PDE3B: variants seen among roughly 807,000 people sequenced by gnomAD.
PDE3B encodes phosphodiesterase 3B.
Under a neutral mutation model 116.8 loss-of-function variants are expected in PDE3B, and 66 were observed. The observed-to-expected ratio is 0.56, with a 90% CI of 0.46 to 0.69. The LOEUF (loss-of-function observed/expected upper bound fraction) is 0.69. Ranked by LOEUF, PDE3B falls within the 30% of genes least tolerant of loss-of-function variation. The probability of loss-of-function intolerance (pLI) is 0.00; values close to 1 mark genes in which losing one functional copy is unlikely to be tolerated. For missense variants in PDE3B, 1,384 were observed against 1,368.1 expected (o/e 1.01, Z -0.18); for synonymous variants, 595 against 533.6 (o/e 1.12, Z -1.59).
At chr11:14,717,248 C>T (rs1175406288) in intron 1 of PDE3B, among the ~76,000 whole-genome samples, 864 of 76,336 alleles carry the variant, frequency 0.011, no homozygotes, top group Non-Finnish European at 0.012. Context: ...TGAGCAAAGC[C>T]TCCAAGAAAT....
Position 14,643,815 on chromosome 11 carries a change from G to A in PDE3B, c.-261G>A, listed in dbSNP as rs989656474. On this transcript the variant is annotated 5_prime_UTR_variant, in exon 1 of 16. The change creates a new upstream start codon in the 5' untranslated region. Transcript: ENST00000282096. ...GACACTGAGTCTCCAGTCCCGAGAG[G>A]TGCCCGAGGGAAAAGGAGGCGGCAG... The A allele has an allele frequency of 2.7e-5, 12 of 437,090 alleles. No homozygotes were observed. Among genetic ancestry groups the A allele is most frequent in the African/African-American group, 4.1e-5 (2 of 48,482 alleles). The allele number at this position is 437,090 out of a possible 1,614,324, so 27.1% of individuals were successfully genotyped here.
chr11:14,766,128 TA>T (rs1234578251), intron 1 of PDE3B, among the ~76,000 whole-genome samples: 1 of 151,720 alleles, frequency 6.6e-6, no homozygotes, highest in Non-Finnish European at 1.5e-5. Context: ...TTTTGAAAAC[TA>T]AAAAATTAAA....
rs1206100149 is a variant in PDE3B at position 14,672,017 on chromosome 11, G to GAA, written c.978+26975_978+26976dup. On this transcript the variant is annotated intron_variant, in intron 1 of 15. Transcript: ENST00000282096. ...GGGTGACAGAGTGAGACCTTGTCTT[G>GAA]AAAAAAAAAAAATATATATATATAT... Among the ~76,000 whole-genome samples the GAA allele has an allele frequency of 3.6e-4, 47 of 129,204 alleles. 1 individual carries two copies. Among genetic ancestry groups the GAA allele is most frequent in the African/African-American group, 1.3e-3 (43 of 33,830 alleles). The allele number at this position is 129,204 out of a possible 152,430, so 84.8% of individuals were successfully genotyped here.
intron 1 of PDE3B, among the ~76,000 whole-genome samples, chr11:14,690,385 TAA>T (rs1449107055): frequency 6.6e-6 from 1 of 152,150 alleles, no homozygotes; most frequent in Non-Finnish European, 1.5e-5. Flanking sequence ...TTTTGAAAAT[TAA>T]AAAGATATTT....
chr11:14,666,626 C>G (rs1181148434), intron 1 of PDE3B, among the ~76,000 whole-genome samples: 4 of 151,526 alleles, frequency 2.6e-5, no homozygotes, highest in Admixed American at 6.6e-5. Context: ...GGGTGAAGGA[C>G]ATGAACAGAC....
At chr11:14,843,582 C>T (rs780550937) in intron 11 of PDE3B, among the ~76,000 whole-genome samples, 4 of 152,086 alleles carry the variant, frequency 2.6e-5, no homozygotes, top group Non-Finnish European at 4.4e-5. Flanking sequence ...AAGCATCAAA[C>T]TTGTGTGAGA....
chr11:14,658,402 G>T (rs1032272146), intron 1 of PDE3B, among the ~76,000 whole-genome samples: 14 of 152,014 alleles, frequency 9.2e-5, no homozygotes, highest in Admixed American at 1.3e-4. Context: ...TGTCGCCCAG[G>T]CTGAAGTGCA....
the PDE3B span, chr11:14,892,097 T>C: frequency 3.1e-6 from 5 of 1,611,592 alleles, no homozygotes; most frequent in South Asian, 4.4e-5. Context: ...GGGAAGCCCA[T>C]CGGCCGCCTC....
At chr11:14,808,363 C>T (rs1015466728) in intron 5 of PDE3B, among the ~76,000 whole-genome samples, 1 of 152,014 alleles carries the variant, frequency 6.6e-6, no homozygotes, top group South Asian at 2.1e-4. Context: ...GTAAAATGTA[C>T]GATTTTCAAG....
intron 1 of PDE3B, among the ~76,000 whole-genome samples, chr11:14,684,802 T>A (rs1854818973): frequency 6.6e-6 from 1 of 152,196 alleles, no homozygotes; most frequent in Admixed American, 6.5e-5. Flanking sequence ...TACTTGCACA[T>A]CTGTTTATAG....
At chr11:14,835,326 A>G (rs1466088374) in intron 11 of PDE3B, among the ~76,000 whole-genome samples, 1 of 152,188 alleles carries the variant, frequency 6.6e-6, no homozygotes, top group African/African-American at 2.4e-5. Flanking sequence ...AGATAGATTA[A>G]TATTCAGTAC....
Position 14,871,591 on chromosome 11 carries a change from T to A in PDE3B, c.*1931T>A, listed in dbSNP as rs572387986. The A allele has an allele frequency of 6.6e-5, 10 of 152,286 alleles. No individual in the cohort carries two copies. Among genetic ancestry groups the A allele is most frequent in the South Asian group, 4.1e-4 (2 of 4,824 alleles). The allele number at this position is 152,286 out of a possible 1,614,324, so 9.4% of individuals were successfully genotyped here. A position where few individuals can be genotyped will look rare whatever the true frequency, so the allele number is the denominator to read the frequency against. The stretch of plus-strand genomic sequence containing the variant: ...TTATATTGGGTTTCTTTAGTTTATG[T>A]TGTTTTCTCAAAAGCAGCATTTTAA... On this transcript the variant is annotated 3_prime_UTR_variant, in exon 16 of 16. Transcript: ENST00000282096.
At chr11:14,699,023 C>T (rs1327440348) in intron 1 of PDE3B, 3 of 151,890 alleles carry the variant, frequency 2.0e-5, no homozygotes, top group African/African-American at 4.8e-5. Context: ...GAAGGGCACT[C>T]TTGATGAATG....
intron 1 of PDE3B, among the ~76,000 whole-genome samples, chr11:14,656,892 T>C (rs180714474): frequency 7.9e-5 from 12 of 152,330 alleles, no homozygotes; most frequent in Admixed American, 6.5e-5. Flanking sequence ...ATTGTCTCGA[T>C]ACTTCTCTTG....
intron 11 of PDE3B, among the ~76,000 whole-genome samples, chr11:14,837,138 A>T (rs1860082940): frequency 6.6e-6 from 1 of 152,218 alleles, no homozygotes; most frequent in Non-Finnish European, 1.5e-5. Flanking sequence ...AGACAGCAGC[A>T]TAACATCTTC....
At chr11:14,700,387 G>C (rs1855329523) in intron 1 of PDE3B, among the ~76,000 whole-genome samples, 1 of 150,752 alleles carries the variant, frequency 6.6e-6, no homozygotes, top group African/African-American at 2.5e-5. Context: ...AGAGGAAGTT[G>C]ATTTTATTAA....
At chr11:14,737,672 T>G (rs1856640580) in intron 1 of PDE3B, among the ~76,000 whole-genome samples, 1 of 152,136 alleles carries the variant, frequency 6.6e-6, no homozygotes, top group Non-Finnish European at 1.5e-5. Context: ...AATGTGCAGG[T>G]TAGTTACATA....
At chr11:14,675,132 G>A in intron 1 of PDE3B, among the ~76,000 whole-genome samples, 1 of 152,164 alleles carries the variant, frequency 6.6e-6, no homozygotes, top group East Asian at 1.9e-4. Context: ...AGGTAGAACT[G>A]AAGTTCTCAG....
chr11:14,685,964 C>A (rs1273813686), intron 1 of PDE3B, among the ~76,000 whole-genome samples: 3 of 152,046 alleles, frequency 2.0e-5, no homozygotes, highest in African/African-American at 7.2e-5. Context: ...GACAGGTAAG[C>A]CCTTTTATGG....
Sources: allele counts gnomAD v4.1 joint callset (sites outside exome capture counted in the v4.1 genomes callset), GRCh38; gene constraint gnomAD v4.1.1; transcripts MANE v1.5; gene names NCBI Gene and HGNC (gene_info 2026-07-23, HGNC 2026-07-21).